The following NCKAP5 variants were observed in gnomAD, a reference collection of about 807,000 sequenced individuals.
NCKAP5 encodes the protein nck-associated protein 5.
In NCKAP5, 92 loss-of-function variants were observed where a neutral mutation model predicts 167.0. The ratio of observed to expected loss-of-function variants is 0.55; its 90% CI spans 0.47 to 0.66. The LOEUF is 0.66. Among genes scored for constraint, NCKAP5 ranks in the 30% least tolerant of loss-of-function variants. The probability of loss-of-function intolerance (pLI) is 0.00; values close to 1 mark genes in which losing one functional copy is unlikely to be tolerated. For missense variants in NCKAP5, 2,378 were observed against 2,315.0 expected, an observed-to-expected ratio of 1.03 and a Z score of -0.56; for synonymous variants, 891 against 877.4, an observed-to-expected ratio of 1.02 and a Z score of -0.27.
the NCKAP5 span, among the ~76,000 whole-genome samples, chr2:133,663,217 G>C: frequency 6.7e-6 from 1 of 149,600 alleles, no homozygotes; most frequent in African/African-American, 2.5e-5. Context: ...AGTGAGCCGA[G>C]ATTGCGCCAC....
intron 8 of NCKAP5, among the ~76,000 whole-genome samples, chr2:132,960,269 C>A (rs2076472124): frequency 6.6e-6 from 1 of 152,156 alleles, no homozygotes; most frequent in Non-Finnish European, 1.5e-5. Flanking sequence ...GAGCCCATGA[C>A]ATGGCATGCA....
intron 6 of NCKAP5, among the ~76,000 whole-genome samples, chr2:133,106,021 C>A (rs1188971373): frequency 3.3e-5 from 5 of 152,088 alleles, no homozygotes; most frequent in African/African-American, 4.8e-5. Context: ...TGGAAGCTCT[C>A]TTCTCCTTTT....
intron 4 of NCKAP5, among the ~76,000 whole-genome samples, chr2:133,299,427 C>A (rs1680196808): frequency 6.6e-6 from 1 of 152,034 alleles, no homozygotes; most frequent in Admixed American, 6.6e-5. Context: ...AGAGAGAGCA[C>A]TCTCCCCATG....
intron 6 of NCKAP5, among the ~76,000 whole-genome samples, chr2:133,060,628 A>AG (rs944358654): frequency 1.3e-5 from 2 of 152,188 alleles, no homozygotes; most frequent in Non-Finnish European, 2.9e-5. Context: ...AAGAATCTGA[A>AG]GTAGTAAAAT....
chr2:133,575,286 C>T, the NCKAP5 span, among the ~76,000 whole-genome samples: 1 of 152,232 alleles, frequency 6.6e-6, no homozygotes, highest in African/African-American at 2.4e-5. Context: ...TGATTTGAAA[C>T]ACATTGAACC....
intron 11 of NCKAP5, among the ~76,000 whole-genome samples, chr2:132,848,894 T>G (rs530575956): frequency 6.6e-6 from 1 of 152,334 alleles, no homozygotes; most frequent in South Asian, 2.1e-4. Context: ...ACAACTGTTT[T>G]TTTTAAAGAT....
the NCKAP5 span, among the ~76,000 whole-genome samples, chr2:133,655,086 A>G: frequency 6.6e-6 from 1 of 152,180 alleles, no homozygotes; most frequent in African/African-American, 2.4e-5. Context: ...GAAATTATTT[A>G]CTTCCATAGC....
At chr2:132,963,978 C>A in intron 7 of NCKAP5, 109 bp from the exon 8 acceptor site, 2 of 1,263,140 alleles carry the variant, frequency 1.6e-6, no homozygotes, top group Non-Finnish European at 2.2e-6. Flanking sequence ...TCTTCCGGGG[C>A]TGGGAGTTTG....
chr2:133,503,123 T>C (rs1380462333), intron 3 of NCKAP5, among the ~76,000 whole-genome samples: 1 of 152,242 alleles, frequency 6.6e-6, no homozygotes, highest in African/African-American at 2.4e-5. Context: ...AATAGAGCTT[T>C]ACTTGGTAGT....
At chr2:133,602,779 G>A in the NCKAP5 span, among the ~76,000 whole-genome samples, 1 of 152,218 alleles carries the variant, frequency 6.6e-6, no homozygotes, top group Non-Finnish European at 1.5e-5. Flanking sequence ...CCCGGGTTAA[G>A]GGAAGGGAGG....
chr2:133,364,611 G>A (rs1470001808), intron 3 of NCKAP5, among the ~76,000 whole-genome samples: 1 of 152,054 alleles, frequency 6.6e-6, no homozygotes, highest in African/African-American at 2.4e-5. Context: ...TAGTTACTTT[G>A]TACAGTGACT....
chr2:133,471,537 G>A (rs7425985), intron 3 of NCKAP5, among the ~76,000 whole-genome samples: 1 of 152,042 alleles, frequency 6.6e-6, no homozygotes, highest in Non-Finnish European at 1.5e-5. Context: ...TGGGAGGGGA[G>A]GGGGGAAGCA....
chr2:133,533,049 C>T (rs989004973), intron 2 of NCKAP5, among the ~76,000 whole-genome samples: 7 of 152,124 alleles, frequency 4.6e-5, no homozygotes, highest in African/African-American at 1.7e-4. Context: ...ACAATGAGTT[C>T]TGAATTATTT....
At chr2:133,045,402 T>C (rs1407163533) in intron 6 of NCKAP5, among the ~76,000 whole-genome samples, 1 of 151,984 alleles carries the variant, frequency 6.6e-6, no homozygotes, top group Non-Finnish European at 1.5e-5. Flanking sequence ...TATACATAAT[T>C]AAGAGAGACT....
chr2:133,033,884 A>G (rs535356868), intron 6 of NCKAP5, among the ~76,000 whole-genome samples: 1 of 152,274 alleles, frequency 6.6e-6, no homozygotes, highest in African/African-American at 2.4e-5. Context: ...AAATAGCCTC[A>G]AAAGAACAAA....
At chr2:133,471,437 C>T (rs13419826) in intron 3 of NCKAP5, among the ~76,000 whole-genome samples, 73,135 of 151,874 alleles carry the variant, frequency 0.48, 18,916 homozygotes, top group East Asian at 0.7. Context: ...TTCTCTCTTG[C>T]GACCCAGTCA....
chr2:133,357,153 A>G (rs574629799), intron 3 of NCKAP5, among the ~76,000 whole-genome samples: 27 of 152,248 alleles, frequency 1.8e-4, no homozygotes, highest in African/African-American at 4.6e-4. Flanking sequence ...GCCCTCAAAA[A>G]TATTTGATGG....
intron 3 of NCKAP5, among the ~76,000 whole-genome samples, chr2:133,322,806 A>C (rs1252912908): frequency 6.6e-6 from 1 of 152,240 alleles, no homozygotes; most frequent in Admixed American, 6.5e-5. Context: ...AACCTCAGCC[A>C]GCACTAGTAC....
intron 3 of NCKAP5, among the ~76,000 whole-genome samples, chr2:133,491,627 C>T (rs892871666): frequency 6.6e-6 from 1 of 152,164 alleles, no homozygotes; most frequent in Admixed American, 6.5e-5. Flanking sequence ...CAGAATACAT[C>T]AGAATAGATC....
Sources: allele counts gnomAD v4.1 joint callset (sites outside exome capture counted in the v4.1 genomes callset), GRCh38; gene constraint gnomAD v4.1.1; transcripts MANE v1.5; gene names NCBI Gene and HGNC (gene_info 2026-07-23, HGNC 2026-07-21).